CCDC32: variants seen among roughly 807,000 people sequenced by gnomAD.
CCDC32 encodes coiled-coil domain containing 32.
In CCDC32, 9 loss-of-function variants were observed where a neutral mutation model predicts 20.1. That is an observed-to-expected ratio of 0.45 (90% CI 0.27 to 0.78). CCDC32 has a LOEUF of 0.78. Among genes scored for constraint, CCDC32 ranks in the 30% least tolerant of loss-of-function variants. CCDC32 has a pLI of 0.16. For missense variants in CCDC32, 204 were observed against 215.5 expected (o/e 0.95, Z 0.33); for synonymous variants, 63 against 79.0 (o/e 0.80, Z 1.07).
downstream of CCDC32, among the ~76,000 whole-genome samples, chr15:40,524,182 G>C (rs1894868630): frequency 7.2e-6 from 1 of 139,592 alleles, no homozygotes; most frequent in Admixed American, 7.5e-5. Flanking sequence ...TTTGAGACGG[G>C]AGTCTGGCTC....
chr15:40,552,442 T>C (rs1329744219), downstream of CCDC32, among the ~76,000 whole-genome samples: 14 of 137,690 alleles, frequency 1.0e-4, no homozygotes, highest in East Asian at 2.2e-4. Flanking sequence ...GATCGCGCCA[T>C]TGCACTCGAG....
intron 2 of CCDC32, among the ~76,000 whole-genome samples, chr15:40,559,047 GCC>G (rs1172067036): frequency 1.3e-5 from 2 of 151,210 alleles, no homozygotes; most frequent in Non-Finnish European, 2.9e-5. Context: ...CATGTGATCT[GCC>G]TGCCTCGGCC....
chr15:40,545,890 G>A (rs1026983955), intron 3 of CCDC32, among the ~76,000 whole-genome samples: 1 of 152,268 alleles, frequency 6.6e-6, no homozygotes, highest in East Asian at 1.9e-4. Flanking sequence ...CCTCATTCAT[G>A]TAACTATCAT....
chr15:40,535,526 G>A, downstream of CCDC32: 3 of 985,908 alleles, frequency 3.0e-6, no homozygotes, highest in Non-Finnish European at 3.6e-6. Context: ...TAGTTTTCAG[G>A]GCCCGCCCCT....
chr15:40,538,294 C>T (rs1269863436), downstream of CCDC32: 1 of 152,172 alleles, frequency 6.6e-6, no homozygotes, highest in Non-Finnish European at 1.5e-5. Flanking sequence ...TTTTCCATAG[C>T]AGTGTGTCCC....
At chr15:40,560,729 G>A (rs901244748) in intron 2 of CCDC32, among the ~76,000 whole-genome samples, 1 of 152,220 alleles carries the variant, frequency 6.6e-6, no homozygotes, top group East Asian at 1.9e-4. Context: ...ATAGATGTTG[G>A]CACGGATGTG....
chr15:40,551,703 G>A (rs1022772333), downstream of CCDC32, among the ~76,000 whole-genome samples: 1 of 151,364 alleles, frequency 6.6e-6, no homozygotes, highest in Non-Finnish European at 1.5e-5. Context: ...CCAGATACTC[G>A]GGAGCCTGAG....
chr15:40,550,323 CT>C (rs1889800565), downstream of CCDC32, among the ~76,000 whole-genome samples: 1 of 152,244 alleles, frequency 6.6e-6, no homozygotes, highest in South Asian at 2.1e-4. Flanking sequence ...AAGTAAGATT[CT>C]ACCAACTTAC....
intron 3 of CCDC32, among the ~76,000 whole-genome samples, chr15:40,544,631 A>G (rs1889538797): frequency 6.6e-6 from 1 of 152,230 alleles, no homozygotes; most frequent in Non-Finnish European, 1.5e-5. Flanking sequence ...GAGAGAGTCA[A>G]CAGTGGGAGG....
At chr15:40,558,670 A>G (rs1182045438) in intron 2 of CCDC32, among the ~76,000 whole-genome samples, 1 of 152,130 alleles carries the variant, frequency 6.6e-6, no homozygotes, top group Non-Finnish European at 1.5e-5. Flanking sequence ...AGTCCATGCC[A>G]TAGGCAACAG....
the CCDC32 span, among the ~76,000 whole-genome samples, chr15:40,523,559 T>C: frequency 6.6e-6 from 1 of 151,988 alleles, no homozygotes; most frequent in Non-Finnish European, 1.5e-5. Context: ...TTTATTTTCC[T>C]TACCTGTAAA....
chr15:40,564,697 T>C lies in CCDC32; in HGVS notation c.-13+279A>G, dbSNP rs146753181. 148 of 1,606,652 alleles carry C rather than the reference T, an allele frequency of 9.2e-5. No individual in the cohort carries two copies. In the East Asian group the frequency reaches 2.6e-3, roughly 28 times the overall value. ...GACACGGCGGTCCTGGGTGAACTGA[T>C]GTCTAGCGCTACAGTGAACCCCCAA... On this transcript the variant is annotated intron_variant, in intron 1 of 3. Transcript: ENST00000416810.
downstream of CCDC32, chr15:40,535,677 A>G (rs1889079285): frequency 8.1e-6 from 8 of 982,212 alleles, no homozygotes; most frequent in African/African-American, 8.7e-5. Flanking sequence ...AAGTCTCTCC[A>G]AAAGCAGGGA....
chr15:40,532,343 C>A, downstream of CCDC32: 2 of 701,578 alleles, frequency 2.9e-6, no homozygotes, highest in Non-Finnish European at 5.2e-6. Context: ...AAACATAAGG[C>A]TCCATTTTGG....
downstream of CCDC32, among the ~76,000 whole-genome samples, chr15:40,533,805 G>C (rs1888989817): frequency 6.6e-6 from 1 of 152,136 alleles, no homozygotes; most frequent in Non-Finnish European, 1.5e-5. Context: ...ATTTGAAATA[G>C]AGTAATTGGG....
At chr15:40,555,879 C>T (rs1328982666) in intron 3 of CCDC32, among the ~76,000 whole-genome samples, 1 of 152,152 alleles carries the variant, frequency 6.6e-6, no homozygotes, top group Non-Finnish European at 1.5e-5. Context: ...TTACTCCCCC[C>T]CATTGATTTT....
downstream of CCDC32, among the ~76,000 whole-genome samples, chr15:40,524,733 T>C (rs1894877575): frequency 7.1e-6 from 1 of 140,372 alleles, no homozygotes. Flanking sequence ...GCTGTTCTTT[T>C]TCTTTCTTTT....
chr15:40,533,683 T>A (rs895675645), downstream of CCDC32, among the ~76,000 whole-genome samples: 4 of 151,994 alleles, frequency 2.6e-5, no homozygotes, highest in African/African-American at 9.7e-5. Context: ...GCACGTTTTT[T>A]AAAAAAGGAT....
intron 3 of CCDC32, among the ~76,000 whole-genome samples, chr15:40,542,784 G>A (rs1024937239): frequency 6.6e-6 from 1 of 151,902 alleles, no homozygotes; most frequent in Non-Finnish European, 1.5e-5. Flanking sequence ...CAGGAGAATG[G>A]TGTGAACCCG....
Sources: gnomAD v4.1 joint callset for allele counts (sites outside exome capture counted in the v4.1 genomes callset) on GRCh38, gnomAD v4.1.1 for gene constraint, MANE v1.5 for transcripts, NCBI Gene and HGNC (gene_info 2026-07-23, HGNC 2026-07-21) for gene names.